The following CWH43 variants were observed in gnomAD, a reference collection of about 807,000 sequenced individuals.
The protein encoded by CWH43 is cell wall biogenesis 43 C-terminal homolog, also known as PGAP2-interacting protein.
In CWH43, 91 loss-of-function variants were observed where a neutral mutation model predicts 85.7. That is an observed-to-expected ratio of 1.06 (90% confidence interval 0.90 to 1.26). CWH43 has a LOEUF of 1.26. Ranked by LOEUF, CWH43 falls within the 50% of genes most tolerant of loss-of-function variation. CWH43 has a pLI of 0.00. For missense variants in CWH43, 869 were observed against 839.2 expected (o/e 1.04, Z -0.44); for synonymous variants, 323 against 293.6 (o/e 1.10, Z -1.02).
intron 1 of CWH43, chr4:48,986,816 CTTTAAG>C (rs1244145429): frequency 1.7e-6 from 2 of 1,160,178 alleles, no homozygotes; most frequent in Non-Finnish European, 2.1e-6. Context: ...CACCCGTGGC[CTTTAAG>C]TTTAACTTAA....
intron 6 of CWH43, 103 bp from the exon 7 acceptor site, chr4:49,003,632 A>G (rs964928726): frequency 9.1e-6 from 10 of 1,102,070 alleles, no homozygotes; most frequent in African/African-American, 4.7e-5. Context: ...TGGAGATTGG[A>G]TCAGTATACC....
At chr4:49,038,416 A>G (rs548664325) in intron 13 of CWH43, among the ~76,000 whole-genome samples, 5 of 152,154 alleles carry the variant, frequency 3.3e-5, no homozygotes, top group South Asian at 2.1e-4. Context: ...TGCAGGGTCA[A>G]CTAGGTGTCT....
At chr4:49,027,861 G>A (rs143516196) in intron 9 of CWH43, among the ~76,000 whole-genome samples, 70 of 152,194 alleles carry the variant, frequency 4.6e-4, no homozygotes, top group African/African-American at 1.6e-3. Context: ...AATCATTTGA[G>A]ATGGATACTT....
chr4:48,991,380 T>C, intron 2 of CWH43, 74 bp from the exon 3 acceptor site: 1 of 1,521,068 alleles, frequency 6.6e-7, no homozygotes, highest in East Asian at 2.3e-5. Context: ...TCAGATAACA[T>C]GCATCAAATG....
chr4:49,043,489 G>C (rs1229497129), intron 13 of CWH43, among the ~76,000 whole-genome samples: 1 of 152,180 alleles, frequency 6.6e-6, no homozygotes, highest in Non-Finnish European at 1.5e-5. Context: ...CCACTGTCGT[G>C]ATCAAAAGCT....
chr4:49,022,968 C>A (rs1783797880), intron 9 of CWH43, among the ~76,000 whole-genome samples: 2 of 152,080 alleles, frequency 1.3e-5, no homozygotes, highest in Admixed American at 1.3e-4. Context: ...TTTTATATGT[C>A]TTTTCAAAGA....
intron 8 of CWH43, among the ~76,000 whole-genome samples, chr4:49,015,274 C>A (rs1303369069): frequency 6.8e-6 from 1 of 147,080 alleles, no homozygotes; most frequent in Non-Finnish European, 1.5e-5. Context: ...TTTTTTTTTC[C>A]CTTATGCCCC....
chr4:49,010,046 G>T (rs1488753656), intron 8 of CWH43, among the ~76,000 whole-genome samples: 3 of 152,172 alleles, frequency 2.0e-5, no homozygotes, highest in East Asian at 1.9e-4. Flanking sequence ...GTTTTAGAAG[G>T]TATGTTACCA....
chr4:49,040,079 C>T (rs1784409174), intron 13 of CWH43, among the ~76,000 whole-genome samples: 2 of 152,282 alleles, frequency 1.3e-5, no homozygotes, highest in Admixed American at 1.3e-4. Context: ...ATGAATTCAT[C>T]ATTTTTTATG....
At chr4:49,051,322 G>C (rs1463709336) in intron 15 of CWH43, among the ~76,000 whole-genome samples, 1 of 152,142 alleles carries the variant, frequency 6.6e-6, no homozygotes, top group African/African-American at 2.4e-5. Context: ...TAATAAGTGG[G>C]GAGACAGCCT....
At chr4:49,042,227 C>T (rs1161960908) in intron 13 of CWH43, among the ~76,000 whole-genome samples, 2 of 152,034 alleles carry the variant, frequency 1.3e-5, no homozygotes, top group Non-Finnish European at 2.9e-5. Context: ...GGGCTGTGGA[C>T]CCGGGTTCCT....
intron 6 of CWH43, among the ~76,000 whole-genome samples, chr4:49,001,910 G>A (rs1783004657): frequency 6.6e-6 from 1 of 152,058 alleles, no homozygotes; most frequent in Non-Finnish European, 1.5e-5. Context: ...AGTCAAATAA[G>A]TGCAATTTAA....
chr4:49,030,283 G>C (rs1394154215), intron 10 of CWH43, among the ~76,000 whole-genome samples: 2 of 152,162 alleles, frequency 1.3e-5, no homozygotes, highest in African/African-American at 2.4e-5. Context: ...AACCTGTTCT[G>C]GTTATTCTTA....
chr4:48,996,881 A>G (rs997878105), intron 5 of CWH43, among the ~76,000 whole-genome samples: 3 of 152,204 alleles, frequency 2.0e-5, no homozygotes, highest in African/African-American at 7.2e-5. Context: ...CGGAACTGCA[A>G]CTCACAAGAC....
chr4:48,988,325 T>G, intron 1 of CWH43, 152 bp from the exon 2 acceptor site: 6 of 488,500 alleles, frequency 1.2e-5, no homozygotes, highest in South Asian at 9.0e-5. Context: ...TCTTGTTTTG[T>G]TCCATGTCAG....
At chr4:48,988,697 G>A (rs1782566372) in intron 2 of CWH43, 29 bp downstream of exon 2, 1 of 1,430,208 alleles carries the variant, frequency 7.0e-7, no homozygotes, top group African/African-American at 1.5e-5. Context: ...TCTTTAAGTT[G>A]TTTTTTTTAA....
At position 49,003,962 on chromosome 4, in the gene CWH43, T is replaced by C. The variant is rs765082022; in HGVS notation, c.1030T>C (p.Tyr344His). ...TAFKFVPGGVYARERSDVLLG... is the reference protein window; with the variant it reads ...TAFKFVPGGVHARERSDVLLG... ...TTTTAAGTTTGTCCCAGGAGGTGTC[T>C]ACGCTAGAGAAAGATCAGATGTGCT... The change falls in exon 7 of 16, where the codon TAC becomes CAC. Residue 344 changes from tyrosine (Y) to histidine (H), a missense_variant. By Grantham distance (83) the Tyr-to-His change is moderately conservative. Around this residue, in one of 3 missense-constraint regions of CWH43, gnomAD observed 577 missense variants for 513.1 expected, o/e 1.12. Coordinates refer to ENST00000226432, the MANE Select transcript of CWH43 (RefSeq NM_025087.3). 11 of 1,612,880 alleles carry C rather than the reference T, an allele frequency of 6.8e-6. No individual in the cohort carries two copies. In the South Asian group the frequency reaches 9.9e-5, roughly 14 times the overall value.
At chr4:49,054,893 A>G (rs534098041) in intron 15 of CWH43, among the ~76,000 whole-genome samples, 3 of 151,242 alleles carry the variant, frequency 2.0e-5, no homozygotes. Context: ...ACAGTTTTTC[A>G]GTTTTTTTCA....
chr4:48,987,341 A>G (rs4695414), intron 1 of CWH43, among the ~76,000 whole-genome samples: 84,872 of 151,820 alleles, frequency 0.56, 27,050 homozygotes, highest in Middle Eastern at 0.74. Flanking sequence ...AATCCTCCCA[A>G]CAACACTGTG....
Sources: gnomAD v4.1 joint callset for allele counts (sites outside exome capture counted in the v4.1 genomes callset) on GRCh38, gnomAD v4.1.1 for gene constraint, gnomAD v4.1.1 regional missense constraint, MANE v1.5 for transcripts, NCBI Gene and HGNC (gene_info 2026-07-23, HGNC 2026-07-21) for gene names.